The following EPS15 variants were observed in gnomAD, a reference collection of about 807,000 sequenced individuals.
The protein encoded by EPS15 is epidermal growth factor receptor pathway substrate 15.
In EPS15, 72 loss-of-function variants were observed where a neutral mutation model predicts 113.8. The ratio of observed to expected loss-of-function variants is 0.63; its 90% confidence interval spans 0.52 to 0.77. EPS15 has a LOEUF of 0.77. Among genes scored for constraint, EPS15 ranks in the 30% least tolerant of loss-of-function variants. EPS15 has a pLI of 0.00. For synonymous variants in EPS15, 344 were observed against 363.4 expected (o/e 0.95, Z 0.61); for missense variants, 1,048 against 1,045.8 (o/e 1.00, Z -0.03).
chr1:51,454,049 C>CAAAAAAAAAAAAA (rs376428827), intron 8 of EPS15, among the ~76,000 whole-genome samples: 1 of 88,214 alleles, frequency 1.1e-5, no homozygotes. Context: ...GACTTTGTTT[C>CAAAAAAAAAAAAA]AAAAAAAAAA....
chr1:51,394,939 C>CGG (rs1647779792), intron 20 of EPS15, among the ~76,000 whole-genome samples: 1 of 152,110 alleles, frequency 6.6e-6, no homozygotes, highest in Non-Finnish European at 1.5e-5. Context: ...CTTACTGTAA[C>CGG]CTCAAACTCC....
At chr1:51,422,032 A>G (rs745327092) in intron 12 of EPS15, 174 bp from the exon 13 acceptor site, 37 of 1,291,222 alleles carry the variant, frequency 2.9e-5, no homozygotes, top group Non-Finnish European at 3.5e-5. Context: ...AAAAATCAAT[A>G]TAAGCTCCAT....
intron 7 of EPS15, among the ~76,000 whole-genome samples, chr1:51,461,491 G>A (rs1654443301): frequency 7.1e-6 from 1 of 140,032 alleles, no homozygotes; most frequent in South Asian, 2.3e-4. Context: ...CTGCACTCCA[G>A]CCTGGGCAAC....
At chr1:51,496,720 T>G (rs1262913992) in intron 1 of EPS15, among the ~76,000 whole-genome samples, 1 of 152,242 alleles carries the variant, frequency 6.6e-6, no homozygotes, top group African/African-American at 2.4e-5. Flanking sequence ...ACTGCAGTTT[T>G]CTGTTACATT....
At chr1:51,473,620 G>GA (rs974748769) in intron 2 of EPS15, among the ~76,000 whole-genome samples, 2 of 150,918 alleles carry the variant, frequency 1.3e-5, no homozygotes, top group Admixed American at 6.6e-5. Context: ...ACAAAAACAG[G>GA]AAAAAAAAGA....
At chr1:51,382,277 G>C (rs543164394) in intron 21 of EPS15, 1 of 152,232 alleles carries the variant, frequency 6.6e-6, no homozygotes, top group South Asian at 2.1e-4. Flanking sequence ...CTAATAAAGA[G>C]ATTGAATCTG....
At chr1:51,477,293 G>A (rs1296783422) in intron 2 of EPS15, among the ~76,000 whole-genome samples, 1 of 152,024 alleles carries the variant, frequency 6.6e-6, no homozygotes, top group Non-Finnish European at 1.5e-5. Context: ...TGGGATCGGT[G>A]GTGGTATCCC....
At chr1:51,503,006 C>CAAAAAAAA (rs56340331) in intron 1 of EPS15, among the ~76,000 whole-genome samples, 5 of 67,456 alleles carry the variant, frequency 7.4e-5, no homozygotes, top group Admixed American at 1.8e-4. Flanking sequence ...GACTCTGTCT[C>CAAAAAAAA]AAAAAAAAAA....
chr1:51,357,375 T>TAAAAA, intron 24 of EPS15, among the ~76,000 whole-genome samples: 1 of 24,804 alleles, frequency 4.0e-5, no homozygotes, highest in Non-Finnish European at 6.6e-5. Flanking sequence ...AGATTCCATC[T>TAAAAA]GAAAAAAAAA....
chr1:51,431,963 T>C (rs1415495069), intron 12 of EPS15, among the ~76,000 whole-genome samples: 1 of 152,178 alleles, frequency 6.6e-6, no homozygotes. Context: ...AAGTGCTAAA[T>C]AAATTTCAGC....
intron 21 of EPS15, chr1:51,372,348 G>A (rs1646677522): frequency 1.9e-6 from 1 of 535,520 alleles, no homozygotes. Flanking sequence ...AATCAGCAAG[G>A]TTGGAAACCA....
chr1:51,412,444 ATAATT>A (rs1649819148), intron 13 of EPS15, among the ~76,000 whole-genome samples: 1 of 152,216 alleles, frequency 6.6e-6, no homozygotes, highest in African/African-American at 2.4e-5. Flanking sequence ...ATTATTTACT[ATAATT>A]TATTTTAAAA....
chr1:51,507,699 T>C (rs761744822), intron 1 of EPS15, among the ~76,000 whole-genome samples: 4 of 151,626 alleles, frequency 2.6e-5, no homozygotes, highest in Non-Finnish European at 4.4e-5. Context: ...AAATGTTACA[T>C]ACATATATAT....
chr1:51,424,502 ATTCTCT>A (rs1271795017), intron 12 of EPS15, among the ~76,000 whole-genome samples: 1 of 152,212 alleles, frequency 6.6e-6, no homozygotes. Flanking sequence ...TTTAAAAGCA[ATTCTCT>A]TTAAGGATCT....
At chr1:51,500,544 G>T (rs924093321) in intron 1 of EPS15, among the ~76,000 whole-genome samples, 11 of 152,114 alleles carry the variant, frequency 7.2e-5, no homozygotes, top group Non-Finnish European at 4.4e-5. Context: ...TTGAGAAAGG[G>T]TCTTGCCTTT....
At chr1:51,395,178 A>T (rs929810531) in intron 20 of EPS15, among the ~76,000 whole-genome samples, 1 of 152,168 alleles carries the variant, frequency 6.6e-6, no homozygotes, top group Non-Finnish European at 1.5e-5. Flanking sequence ...AATAATTTAC[A>T]TTTACATAAG....
chr1:51,375,323 TATG>T (rs1393520534), intron 21 of EPS15, among the ~76,000 whole-genome samples: 3 of 152,210 alleles, frequency 2.0e-5, no homozygotes, highest in Non-Finnish European at 2.9e-5. Context: ...CTTCTATCCC[TATG>T]ATAACAAGTA....
At chr1:51,375,187 G>C (rs12124272) in intron 21 of EPS15, among the ~76,000 whole-genome samples, 1 of 151,206 alleles carries the variant, frequency 6.6e-6, no homozygotes, top group African/African-American at 2.4e-5. Flanking sequence ...ATTTTTAGTA[G>C]AGACAGGGTT....
chr1:51,357,413 T>A (rs1646254510), intron 24 of EPS15, among the ~76,000 whole-genome samples: 1 of 59,350 alleles, frequency 1.7e-5, no homozygotes, highest in Admixed American at 2.0e-4. Flanking sequence ...TATATATATA[T>A]ATATATATAT....
Sources: allele counts gnomAD v4.1 joint callset (sites outside exome capture counted in the v4.1 genomes callset), GRCh38; gene constraint gnomAD v4.1.1; transcripts MANE v1.5; gene names NCBI Gene and HGNC (gene_info 2026-07-23, HGNC 2026-07-21).